DYSF: variants seen among roughly 807,000 people sequenced by gnomAD.
The protein encoded by DYSF is dystrophy-associated fer-1-like 1.
DYSF carries 212 observed loss-of-function variants against 274.9 expected under a neutral mutation model. The ratio of observed to expected loss-of-function variants is 0.77; its 90% CI spans 0.69 to 0.86. The LOEUF is 0.86. Ranked by LOEUF, DYSF falls within the 40% of genes least tolerant of loss-of-function variation. The pLI, the probability that DYSF is intolerant of heterozygous loss-of-function variation, is 0.00. For missense variants in DYSF, 2,666 were observed against 2,783.2 expected (o/e 0.96, Z 0.95); for synonymous variants, 1,091 against 1,078.7 (o/e 1.01, Z -0.22).
At chr2:71,554,051 G>C in intron 21 of DYSF, 120 bp downstream of exon 21, 1 of 1,477,446 alleles carries the variant, frequency 6.8e-7, no homozygotes, top group East Asian at 2.3e-5. Flanking sequence ...TGTGCCTACT[G>C]ACCTTTGTGG....
chr2:71,685,733 C>CGGGGAA (rs2095348871), intron 55 of DYSF, among the ~76,000 whole-genome samples: 1 of 152,116 alleles, frequency 6.6e-6, no homozygotes, highest in Non-Finnish European at 1.5e-5. Flanking sequence ...AGGCGTTTGG[C>CGGGGAA]GGGGAAGGAG....
At chr2:71,461,782 C>T (rs891629104), upstream of DYSF, among the ~76,000 whole-genome samples, 1 of 152,202 alleles carries the variant, frequency 6.6e-6, no homozygotes, top group African/African-American at 2.4e-5. Context: ...ACCAAAGTCA[C>T]AGGGGTCAGT....
intron 54 of DYSF, among the ~76,000 whole-genome samples, chr2:71,682,088 C>T (rs2095303633): frequency 6.6e-6 from 1 of 152,064 alleles, no homozygotes; most frequent in Admixed American, 6.6e-5. Flanking sequence ...TCTCTTCCCA[C>T]CGTTGTTCCC....
intron 41 of DYSF, among the ~76,000 whole-genome samples, chr2:71,629,003 A>G (rs1367705668): frequency 6.6e-6 from 1 of 152,158 alleles, no homozygotes; most frequent in Non-Finnish European, 1.5e-5. Context: ...TTTTTAAAAG[A>G]TGTTATTTTT....
intron 33 of DYSF, among the ~76,000 whole-genome samples, chr2:71,599,693 G>A (rs1183291786): frequency 2.6e-5 from 4 of 152,246 alleles, no homozygotes; most frequent in Admixed American, 1.3e-4. Context: ...AAAGAGGCCC[G>A]GCCTGCGCTG....
At chr2:71,462,499 T>TG (rs1334924275), upstream of DYSF, among the ~76,000 whole-genome samples, 5 of 151,652 alleles carry the variant, frequency 3.3e-5, no homozygotes, top group Non-Finnish European at 5.9e-5. Context: ...AGGGTTGGGG[T>TG]GGGGGGCAGG....
intron 3 of DYSF, among the ~76,000 whole-genome samples, chr2:71,499,014 G>A (rs1041897073): frequency 3.9e-5 from 6 of 152,010 alleles, no homozygotes; most frequent in East Asian, 1.9e-4. Context: ...AATTTTTTAC[G>A]TTGGTAAAAA....
At chr2:71,573,451 C>A (rs769017672) in intron 29 of DYSF, among the ~76,000 whole-genome samples, 1 of 152,172 alleles carries the variant, frequency 6.6e-6, no homozygotes. Flanking sequence ...GTCACCCTCT[C>A]CCAGGAGCTG....
In DYSF at chr2:71,568,031, G is replaced by GA. The variant is rs2092209876; in HGVS notation, c.2648dup (p.Glu884GlyfsTer7). On this transcript the variant is annotated frameshift_variant, in exon 25 of 56. Transcript: ENST00000410020. LOFTEE classifies it high-confidence loss of function. ...TGTGGTTTGGGCTCTCAGTGGATGAGAAGGAGTTCAACCAGTTTGCTGAGG... is the reference window on the plus strand; with the variant it reads ...TGTGGTTTGGGCTCTCAGTGGATGAGAAAGGAGTTCAACCAGTTTGCTGAGG... 6.2e-7 allele frequency: 1 copy of GA among 1,614,200 alleles called. No individual in the cohort carries two copies. The highest frequency in any genetic ancestry group is 8.5e-7 in the Non-Finnish European group (1 of 1,180,032).
intron 17 of DYSF, among the ~76,000 whole-genome samples, chr2:71,544,290 C>G (rs768622506): frequency 3.3e-5 from 5 of 152,120 alleles, no homozygotes; most frequent in Non-Finnish European, 5.9e-5. Context: ...GTCCATCCAT[C>G]TCCTCAGATC....
intron 14 of DYSF, among the ~76,000 whole-genome samples, chr2:71,530,138 G>T (rs79549287): frequency 2.1e-5 from 3 of 143,238 alleles, no homozygotes; most frequent in Admixed American, 6.9e-5. Flanking sequence ...CAGGTCTTAC[G>T]CCCTGCGCCT....
In DYSF at chr2:71,570,244, C is replaced by G. The variant is rs773512603; in HGVS notation, c.2995C>G (p.Leu999Val). Residue 999 changes from leucine to valine, a missense_variant, in exon 28 of 56, where the codon CTT (leucine) becomes GTT (valine). Transcript: ENST00000410020. ...TTGTCCTTAGAACGGGGAGAAGGTG[C>G]TTCCCAAGGATGACATTGAGTGCCC... ...NYTDVNGEKVLPKDDIECPLG... is the reference protein window; with the variant it reads ...NYTDVNGEKVVPKDDIECPLG... The G allele has an allele frequency of 3.7e-6, 6 of 1,614,124 alleles. No homozygotes were observed. In the South Asian group the frequency reaches 6.6e-5, roughly 18 times the overall value.
At chr2:71,491,885 A>C (rs980614103) in intron 3 of DYSF, among the ~76,000 whole-genome samples, 2 of 152,236 alleles carry the variant, frequency 1.3e-5, no homozygotes, top group East Asian at 1.9e-4. Flanking sequence ...CATAGCACAC[A>C]GACCTTTATA....
chr2:71,495,047 C>A (rs1226254152), intron 3 of DYSF, among the ~76,000 whole-genome samples: 6 of 152,184 alleles, frequency 3.9e-5, no homozygotes, highest in Non-Finnish European at 7.3e-5. Flanking sequence ...AAGAAGGGAA[C>A]TGACACCTAC....
In DYSF at chr2:71,453,895, C is replaced by A. The variant is rs566180152; in HGVS notation, c.-104C>A. 34 of 1,166,462 alleles carry A rather than the reference C, an allele frequency of 2.9e-5. No homozygotes were observed. The South Asian group carries it at 4.0e-4, about 14-fold the overall frequency. 72.3% of individuals were successfully genotyped at this position (1,166,462 alleles called of 1,614,324 possible). On this transcript the variant is annotated 5_prime_UTR_variant, in exon 1 of 55. Coordinates refer to the DYSF transcript ENST00000258104. ...AGAGATTCGAGCCGGCCTCGCCCAG[C>A]CAGCCCTCTCCAGCGAGGGGACCCA...
At chr2:71,478,952 C>T (rs2082646447) in intron 1 of DYSF, among the ~76,000 whole-genome samples, 1 of 152,038 alleles carries the variant, frequency 6.6e-6, no homozygotes. Context: ...GCGGGGCCGA[C>T]CCCACAGGAG....
intron 41 of DYSF, among the ~76,000 whole-genome samples, chr2:71,631,612 G>C (rs371001874): frequency 1.3e-5 from 2 of 152,170 alleles, no homozygotes; most frequent in Non-Finnish European, 2.9e-5. Context: ...GAAAGCACAG[G>C]GGGAGGCGAG....
intron 1 of DYSF, among the ~76,000 whole-genome samples, chr2:71,469,160 G>A (rs772920997): frequency 6.6e-6 from 1 of 152,216 alleles, no homozygotes; most frequent in Non-Finnish European, 1.5e-5. Flanking sequence ...GGTCTGAGAT[G>A]TGATGGCAGG....
chr2:71,609,028 C>G (rs2093699590), intron 36 of DYSF, among the ~76,000 whole-genome samples: 1 of 151,920 alleles, frequency 6.6e-6, no homozygotes, highest in Non-Finnish European at 1.5e-5. Context: ...AGACCACAAG[C>G]AGGCATTCAA....
Sources: allele counts gnomAD v4.1 joint callset (sites outside exome capture counted in the v4.1 genomes callset), GRCh38; gene constraint gnomAD v4.1.1; transcripts MANE v1.5; gene names NCBI Gene and HGNC (gene_info 2026-07-23, HGNC 2026-07-21).